The following ME3 variants were observed in gnomAD, a reference collection of about 807,000 sequenced individuals.
The protein encoded by ME3 is NADP-dependent malic enzyme, mitochondrial.
In ME3, 48 loss-of-function variants were observed where a neutral mutation model predicts 68.9. The ratio of observed to expected loss-of-function variants is 0.70; its 90% CI spans 0.55 to 0.89. ME3 has a LOEUF of 0.89. Ranked by LOEUF, ME3 falls within the 40% of genes least tolerant of loss-of-function variation. ME3 has a pLI of 0.00. For missense variants in ME3, 675 were observed against 797.4 expected (o/e 0.85, Z 1.85); for synonymous variants, 320 against 318.8 (o/e 1.00, Z -0.04).
intron 2 of ME3, among the ~76,000 whole-genome samples, chr11:86,568,432 G>A (rs1173213651): frequency 3.9e-5 from 6 of 152,106 alleles, no homozygotes; most frequent in Non-Finnish European, 7.4e-5. Flanking sequence ...TGCTTATGCC[G>A]AACCATTTTA....
chr11:86,534,910 G>T (rs754729839), intron 4 of ME3, among the ~76,000 whole-genome samples: 2 of 147,622 alleles, frequency 1.4e-5, no homozygotes, highest in East Asian at 3.9e-4. Context: ...AGAAGAACTT[G>T]TAAGTAGTTT....
intron 2 of ME3, among the ~76,000 whole-genome samples, chr11:86,656,312 T>C (rs1020246655): frequency 2.0e-5 from 3 of 151,860 alleles, no homozygotes; most frequent in African/African-American, 7.3e-5. Flanking sequence ...ATGTTTATTG[T>C]GGCACTATTC....
intron 2 of ME3, among the ~76,000 whole-genome samples, chr11:86,631,953 G>A (rs1209265549): frequency 3.9e-5 from 6 of 152,036 alleles, no homozygotes; most frequent in Non-Finnish European, 7.4e-5. Context: ...GGCTGGTCTC[G>A]AACTCCTGAC....
At chr11:86,453,440 C>T (rs1314468783) in intron 8 of ME3, among the ~76,000 whole-genome samples, 1 of 152,168 alleles carries the variant, frequency 6.6e-6, no homozygotes, top group African/African-American at 2.4e-5. Context: ...AACCACTTTT[C>T]AGCTTTGCCA....
At chr11:86,642,073 C>T (rs1234979126) in intron 2 of ME3, among the ~76,000 whole-genome samples, 2 of 152,204 alleles carry the variant, frequency 1.3e-5, no homozygotes, top group Admixed American at 1.3e-4. Flanking sequence ...AAAGTGACAA[C>T]ACTTAGCCCA....
chr11:86,445,136 A>G (rs1949214279), intron 13 of ME3, among the ~76,000 whole-genome samples: 1 of 152,176 alleles, frequency 6.6e-6, no homozygotes, highest in Non-Finnish European at 1.5e-5. Flanking sequence ...TCCAATGGGG[A>G]CTTCACACAG....
Position 86,652,502 on chromosome 11 carries a change from T to C in ME3, c.183+19260A>G, listed in dbSNP as rs183896429. 1.2e-4 allele frequency among the ~76,000 whole-genome samples: 18 copies of C among 152,110 alleles called. No individual in the cohort carries two copies. In the East Asian group the frequency reaches 3.5e-3, roughly 29 times the overall value. ...TCATATCCAGCCAAACTAAGCTTCA[T>C]AAGTGAAGGAGAAATAAAATACTTG... On this transcript the variant is annotated intron_variant, in intron 2 of 14. Transcript: ENST00000543262.
At chr11:86,617,569 A>T (rs1017635394) in intron 2 of ME3, among the ~76,000 whole-genome samples, 10 of 152,222 alleles carry the variant, frequency 6.6e-5, no homozygotes, top group African/African-American at 2.4e-4. Flanking sequence ...TGATTGCCCA[A>T]AATAACCAAC....
chr11:86,531,627 A>C (rs1361131692), intron 4 of ME3, among the ~76,000 whole-genome samples: 3 of 152,334 alleles, frequency 2.0e-5, no homozygotes, highest in South Asian at 2.1e-4. Context: ...AGAATGGATT[A>C]AGAAAATGTG....
At chr11:86,446,271 C>T in intron 13 of ME3, 43 bp downstream of exon 13, 1 of 1,604,506 alleles carries the variant, frequency 6.2e-7, no homozygotes, top group Non-Finnish European at 8.5e-7. Context: ...TGTCAACCCA[C>T]AGACCCTACT....
chr11:86,566,544 GCTATCAT>G (rs1228536439), intron 2 of ME3, among the ~76,000 whole-genome samples: 7 of 152,274 alleles, frequency 4.6e-5, no homozygotes, highest in Admixed American at 6.5e-5. Flanking sequence ...TAGAGGTATT[GCTATCAT>G]CAGTTCTAAA....
intron 2 of ME3, among the ~76,000 whole-genome samples, chr11:86,618,131 T>C (rs1943093974): frequency 6.6e-6 from 1 of 151,788 alleles, no homozygotes; most frequent in African/African-American, 2.4e-5. Context: ...AAACCCCATC[T>C]GTACTAAAAA....
intron 2 of ME3, among the ~76,000 whole-genome samples, chr11:86,603,985 G>A (rs1307219302): frequency 1.3e-5 from 2 of 150,048 alleles, no homozygotes; most frequent in Non-Finnish European, 1.5e-5. Context: ...TAGGAGATAT[G>A]CCTAATGCTA....
chr11:86,486,096 A>C (rs1203457675), intron 7 of ME3, among the ~76,000 whole-genome samples: 1 of 151,870 alleles, frequency 6.6e-6, no homozygotes, highest in African/African-American at 2.4e-5. Flanking sequence ...ACATCTACCC[A>C]CCTGCCCCAT....
chr11:86,517,576 A>T (rs1454942461), intron 4 of ME3, among the ~76,000 whole-genome samples: 1 of 152,160 alleles, frequency 6.6e-6, no homozygotes, highest in Non-Finnish European at 1.5e-5. Context: ...GAAGTGAGGG[A>T]ACCCCCTTTT....
At chr11:86,587,167 T>A (rs773604931) in intron 2 of ME3, among the ~76,000 whole-genome samples, 1 of 152,168 alleles carries the variant, frequency 6.6e-6, no homozygotes, top group Admixed American at 6.5e-5. Context: ...GAGAAAAGCA[T>A]CCAGGTAGAA....
intron 2 of ME3, among the ~76,000 whole-genome samples, chr11:86,577,638 T>A (rs1958190180): frequency 6.6e-6 from 1 of 152,228 alleles, no homozygotes; most frequent in African/African-American, 2.4e-5. Flanking sequence ...GAATCATAAC[T>A]TTTTAAAAAA....
At chr11:86,527,748 G>C (rs867292900) in intron 4 of ME3, among the ~76,000 whole-genome samples, 11 of 152,164 alleles carry the variant, frequency 7.2e-5, no homozygotes, top group Admixed American at 1.3e-4. Flanking sequence ...TTCATATCCA[G>C]CCAAACTAGC....
chr11:86,581,999 TG>T (rs1474320281), intron 2 of ME3, among the ~76,000 whole-genome samples: 2 of 152,256 alleles, frequency 1.3e-5, no homozygotes, highest in African/African-American at 4.8e-5. Context: ...GTTCTGCCCC[TG>T]GAATACACCT....
Sources: allele counts gnomAD v4.1 joint callset (sites outside exome capture counted in the v4.1 genomes callset), GRCh38; gene constraint gnomAD v4.1.1; transcripts MANE v1.5; gene names NCBI Gene and HGNC (gene_info 2026-07-23, HGNC 2026-07-21).